OSBPL10: variants seen among roughly 807,000 people sequenced by gnomAD.
OSBPL10 encodes oxysterol-binding protein-related protein 10.
OSBPL10 carries 49 observed loss-of-function variants against 81.7 expected under a neutral mutation model. The observed-to-expected ratio is 0.60, with a 90% CI of 0.48 to 0.76. OSBPL10 has a LOEUF of 0.76. Ranked by LOEUF, OSBPL10 falls within the 30% of genes least tolerant of loss-of-function variation. The probability of loss-of-function intolerance (pLI) is 0.00; values close to 1 mark genes in which losing one functional copy is unlikely to be tolerated. For synonymous variants in OSBPL10, 419 were observed against 383.6 expected (o/e 1.09, Z -1.08); for missense variants, 923 against 987.8 (o/e 0.93, Z 0.88).
At chr3:31,791,511 C>T (rs914226401) in intron 4 of OSBPL10, among the ~76,000 whole-genome samples, 8 of 152,296 alleles carry the variant, frequency 5.3e-5, no homozygotes, top group South Asian at 2.1e-4. Context: ...AGGATCAATT[C>T]AGTCTTATGC....
intron 2 of OSBPL10, among the ~76,000 whole-genome samples, chr3:32,002,313 A>G (rs138531780): frequency 1.3e-5 from 2 of 152,342 alleles, no homozygotes; most frequent in East Asian, 3.9e-4. Context: ...TCATTGACAC[A>G]TTGCAAAGAG....
rs148048727 is a variant in OSBPL10, at chr3:31,970,774, C to T, written c.281+10125G>A. Among the ~76,000 whole-genome samples the T allele has an allele frequency of 1.8e-3, 270 of 150,176 alleles. 4 individuals are homozygous for T. Among genetic ancestry groups the T allele is most frequent in the African/African-American group, 6.4e-3 (257 of 40,272 alleles). On this transcript the variant is annotated intron_variant, in intron 1 of 11. Coordinates refer to ENST00000396556, the MANE Select transcript of OSBPL10 (RefSeq NM_017784.5). ...GACATTTTGTGATCTGTGGTCTCAG[C>T]GGCTTAAGAGCTTCTTCAGAAAGTA...
chr3:31,891,724 ACACT>A (rs747901648), intron 1 of OSBPL10, among the ~76,000 whole-genome samples: 4 of 152,190 alleles, frequency 2.6e-5, no homozygotes, highest in Admixed American at 6.5e-5. Context: ...GCAGGGGCTC[ACACT>A]CAGCTGTCAG....
At chr3:31,732,705 G>A (rs1017709973) in intron 6 of OSBPL10, 1 of 153,782 alleles carries the variant, frequency 6.5e-6, no homozygotes, top group African/African-American at 2.4e-5. Flanking sequence ...TTGGAGCCTG[G>A]CTGATCACCA....
At chr3:31,680,093 G>C (rs997234834) in intron 8 of OSBPL10, among the ~76,000 whole-genome samples, 7 of 152,110 alleles carry the variant, frequency 4.6e-5, no homozygotes, top group African/African-American at 1.7e-4. Context: ...TTCATCCAAG[G>C]AGAAGGCAGA....
chr3:31,974,751 G>C (rs1038732888), intron 1 of OSBPL10, among the ~76,000 whole-genome samples: 16 of 152,204 alleles, frequency 1.1e-4, no homozygotes, highest in African/African-American at 3.9e-4. Flanking sequence ...AAGGGGCTGT[G>C]GGGGACAGGG....
intron 4 of OSBPL10, among the ~76,000 whole-genome samples, chr3:31,812,756 A>G (rs187368814): frequency 5.7e-5 from 3 of 53,078 alleles, no homozygotes; most frequent in African/African-American, 2.5e-4. Context: ...GAAAGAAAGA[A>G]AGAAAGAAAG....
chr3:31,988,458 A>G (rs902331612), intron 2 of OSBPL10, among the ~76,000 whole-genome samples: 1 of 152,226 alleles, frequency 6.6e-6, no homozygotes, highest in Admixed American at 6.5e-5. Context: ...CTATGCCTAT[A>G]GATTCCTCTC....
At chr3:31,880,811 C>T (rs1695551787) in intron 1 of OSBPL10, among the ~76,000 whole-genome samples, 1 of 152,176 alleles carries the variant, frequency 6.6e-6, no homozygotes, top group Non-Finnish European at 1.5e-5. Flanking sequence ...GTCCACCACA[C>T]CCTTTTGAAA....
chr3:31,928,312 A>C (rs1191767501), intron 1 of OSBPL10, among the ~76,000 whole-genome samples: 1 of 152,194 alleles, frequency 6.6e-6, no homozygotes, highest in Non-Finnish European at 1.5e-5. Context: ...GGAAAAAAAC[A>C]ATCCACTAAT....
chr3:31,917,261 C>G (rs1696783567), intron 1 of OSBPL10, among the ~76,000 whole-genome samples: 1 of 152,200 alleles, frequency 6.6e-6, no homozygotes, highest in Non-Finnish European at 1.5e-5. Context: ...GTGTCCAACT[C>G]CACTAGGAGT....
At chr3:31,971,359 C>T (rs544768100) in intron 1 of OSBPL10, among the ~76,000 whole-genome samples, 61 of 152,032 alleles carry the variant, frequency 4.0e-4, no homozygotes, top group African/African-American at 1.3e-3. Flanking sequence ...AGGCTGGTCT[C>T]GAACTCCTGA....
At position 31,980,887 on chromosome 3, in the gene OSBPL10, C is replaced by T. The variant is rs757936996; in HGVS notation, c.281+12G>A. On this transcript the variant is annotated intron_variant, in intron 1 of 11. Transcript: ENST00000396556. ...CAGCGGCGCGCGGTGGCGCGGGCGG[C>T]TGGCGCGTTACCTGTTCTGCCAGCC... 6.4e-7 allele frequency: 1 copy of T among 1,555,862 alleles called. No homozygotes were observed. The highest frequency in any genetic ancestry group is 8.7e-7 in the Non-Finnish European group (1 of 1,154,790).
intron 4 of OSBPL10, among the ~76,000 whole-genome samples, chr3:31,773,371 A>T (rs1338306537): frequency 6.6e-6 from 1 of 152,184 alleles, no homozygotes; most frequent in Non-Finnish European, 1.5e-5. Flanking sequence ...AAACAGCAAA[A>T]TCACCAAGAA....
At chr3:31,738,010 AAAAG>A (rs3040042) in intron 5 of OSBPL10, among the ~76,000 whole-genome samples, 46,302 of 123,038 alleles carry the variant, frequency 0.38, 8,694 homozygotes, top group East Asian at 0.68. Context: ...AAAAAAAAAA[AAAAG>A]AAAGACAATA....
At position 31,980,980 on chromosome 3, in the gene OSBPL10, C is replaced by T; in HGVS notation, c.200G>A (p.Gly67Glu). 2 of 1,558,258 alleles carry T rather than the reference C, an allele frequency of 1.3e-6. No homozygotes were observed. Among genetic ancestry groups the T allele is most frequent in the Non-Finnish European group, 1.7e-6 (2 of 1,157,408 alleles). The part of the protein sequence containing the change: ...SPGSVAASPS[G>E]GGGRRREPAL... ...CGGCTCCCTCCTGCGGCCGCCTCCC[C>T]CGGACGGGCTAGCGGCCACAGAGCC... The change falls in exon 1 of 12, where the codon GGG (glycine) becomes GAG (glutamate). Residue 67 changes from glycine (G) to glutamate (E), a missense_variant. By Grantham distance (98) the Gly-to-Glu change is moderately conservative. Around this residue, in one of 3 missense-constraint regions of OSBPL10, gnomAD observed 514 missense variants for 508.0 expected, o/e 1.01. Coordinates refer to ENST00000396556, the MANE Select transcript of OSBPL10 (RefSeq NM_017784.5).
chr3:31,839,575 T>G (rs558013206), intron 3 of OSBPL10, among the ~76,000 whole-genome samples: 1 of 151,828 alleles, frequency 6.6e-6, no homozygotes, highest in African/African-American at 2.4e-5. Context: ...GAACGCTTCA[T>G]GAGAAGGTAA....
chr3:31,677,870 AG>A, intron 8 of OSBPL10, among the ~76,000 whole-genome samples: 1 of 151,366 alleles, frequency 6.6e-6, no homozygotes, highest in Non-Finnish European at 1.5e-5. Flanking sequence ...TCATGAGGTC[AG>A]GAGATCGAGA....
chr3:31,697,340 A>G (rs998793575), intron 7 of OSBPL10, among the ~76,000 whole-genome samples: 7 of 152,154 alleles, frequency 4.6e-5, no homozygotes, highest in African/African-American at 1.7e-4. Context: ...CCAGCAGAAG[A>G]GCTGCCCCGC....
Sources: gnomAD v4.1 joint callset for allele counts (sites outside exome capture counted in the v4.1 genomes callset) on GRCh38, gnomAD v4.1.1 for gene constraint, gnomAD v4.1.1 regional missense constraint, MANE v1.5 for transcripts, NCBI Gene and HGNC (gene_info 2026-07-23, HGNC 2026-07-21) for gene names.